TMEM196: variants seen among roughly 807,000 people sequenced by gnomAD.
TMEM196 encodes transmembrane protein 196.
A neutral mutation model predicts 20.0 loss-of-function variants in TMEM196; 17 were observed. The ratio of observed to expected loss-of-function variants is 0.85; its 90% CI spans 0.58 to 1.27. TMEM196 has a LOEUF of 1.27. TMEM196 is among the 50% of genes most tolerant of loss of function. TMEM196 has a pLI of 0.00. For missense variants in TMEM196, 267 were observed against 223.0 expected, an observed-to-expected ratio of 1.20 and a Z score of -1.26; for synonymous variants, 113 against 88.9, an observed-to-expected ratio of 1.27 and a Z score of -1.52.
chr7:19,725,882 G>C (rs139387334), intron 2 of TMEM196, 114 bp from the exon 3 acceptor site: 1 of 1,315,252 alleles, frequency 7.6e-7, no homozygotes, highest in Non-Finnish European at 1.0e-6. Context: ...AGAAGAATAA[G>C]CGGTTTTGGT....
intron 1 of TMEM196, among the ~76,000 whole-genome samples, chr7:19,758,072 A>G (rs1260167622): frequency 6.6e-6 from 1 of 152,046 alleles, no homozygotes; most frequent in East Asian, 1.9e-4. Context: ...AGCAAATGTT[A>G]ATAGCCTAAT....
At chr7:19,726,859 C>T (rs1784017909) in intron 2 of TMEM196, among the ~76,000 whole-genome samples, 1 of 152,052 alleles carries the variant, frequency 6.6e-6, no homozygotes, top group Admixed American at 6.6e-5. Context: ...CCATTCTTCT[C>T]GGGAACACAG....
At chr7:19,736,238 A>G (rs1194479264) in intron 1 of TMEM196, among the ~76,000 whole-genome samples, 1 of 151,114 alleles carries the variant, frequency 6.6e-6, no homozygotes, top group African/African-American at 2.4e-5. Flanking sequence ...AGTTTTCTTG[A>G]TATTGTGCTG....
intron 1 of TMEM196, among the ~76,000 whole-genome samples, chr7:19,732,599 A>AC (rs1562609752): frequency 1.4e-4 from 21 of 146,722 alleles, no homozygotes; most frequent in African/African-American, 5.3e-4. Context: ...AAAAAAAAAA[A>AC]CGGAATGGAA....
rs1164791180 is a variant in TMEM196, at chr7:19,719,939, A to G, written c.*2189T>C. On this transcript the variant is annotated 3_prime_UTR_variant, in exon 5 of 5. Transcript: ENST00000405844. ...GTTATAGATCAGTTCAAAAGGCATT[A>G]CAACATTTTTCTGATGTATTATAAT... The G allele has an allele frequency of 6.6e-6, 1 of 152,092 alleles. No homozygotes were observed. Among genetic ancestry groups the G allele is most frequent in the African/African-American group, 2.4e-5 (1 of 41,462 alleles). The allele number at this position is 152,092 out of a possible 1,614,324, so 9.4% of individuals were successfully genotyped here.
At chr7:19,734,268 T>C (rs538304101) in intron 1 of TMEM196, among the ~76,000 whole-genome samples, 1 of 152,296 alleles carries the variant, frequency 6.6e-6, no homozygotes, top group African/African-American at 2.4e-5. Context: ...AAAAAATGAC[T>C]TTCAAACTTT....
chr7:19,751,712 G>A (rs1471072705), intron 1 of TMEM196, among the ~76,000 whole-genome samples: 1 of 152,126 alleles, frequency 6.6e-6, no homozygotes, highest in Non-Finnish European at 1.5e-5. Context: ...AGCATCTGAT[G>A]GGTACAGACC....
chr7:19,735,927 T>A (rs1247070910), intron 1 of TMEM196, among the ~76,000 whole-genome samples: 3 of 152,150 alleles, frequency 2.0e-5, no homozygotes, highest in African/African-American at 4.8e-5. Context: ...AATTTAATAC[T>A]TTGATAACCT....
intron 1 of TMEM196, among the ~76,000 whole-genome samples, chr7:19,757,238 A>T (rs562821886): frequency 2.0e-5 from 3 of 149,616 alleles, no homozygotes; most frequent in Non-Finnish European, 4.4e-5. Flanking sequence ...CAGTGGCGCA[A>T]TCTTGGCTCA....
chr7:19,741,861 C>T (rs1297821575), intron 1 of TMEM196, among the ~76,000 whole-genome samples: 2 of 152,128 alleles, frequency 1.3e-5, no homozygotes, highest in Non-Finnish European at 2.9e-5. Context: ...CTCTCAAACA[C>T]CAGGTTTGGC....
chr7:19,772,602 C>A lies in TMEM196; in HGVS notation c.95G>T (p.Ser32Ile). 6.5e-7 allele frequency: 1 copy of A among 1,547,374 alleles called. No individual in the cohort carries two copies. The highest frequency in any genetic ancestry group is 2.5e-5 in the East Asian group (1 of 40,706). ...GVSSVAVGAVSFSLALREHKP... is the reference protein window; with the variant it reads ...GVSSVAVGAVIFSLALREHKP... ...GTGCTCTCGGAGGGCCAGGCTGAAG[C>A]TGACCGCCCCCACGGCCACGCTGGA... Residue 32 changes from serine (S) to isoleucine (I), a missense_variant, in exon 1 of 5, where the codon AGC (serine) becomes ATC (isoleucine). Ser to Ile is a moderately radical substitution (Grantham distance 142, BLOSUM62 -2). Coordinates refer to ENST00000405844, the MANE Select transcript of TMEM196 (RefSeq NM_001363562.2).
chr7:19,723,283 C>T (rs979889513), intron 4 of TMEM196, among the ~76,000 whole-genome samples: 1 of 151,916 alleles, frequency 6.6e-6, no homozygotes, highest in Non-Finnish European at 1.5e-5. Flanking sequence ...CCCCAATGAT[C>T]TTCAACAAAA....
intron 1 of TMEM196, among the ~76,000 whole-genome samples, chr7:19,751,865 A>G (rs1188465310): frequency 6.6e-6 from 1 of 152,158 alleles, no homozygotes; most frequent in Non-Finnish European, 1.5e-5. Context: ...AGATTTTCCT[A>G]CATCACACCA....
intron 1 of TMEM196, among the ~76,000 whole-genome samples, chr7:19,741,657 A>G (rs778895702): frequency 1.3e-5 from 2 of 152,162 alleles, no homozygotes; most frequent in African/African-American, 4.8e-5. Context: ...TGAGATGTCA[A>G]TACAAATAGA....
intron 1 of TMEM196, among the ~76,000 whole-genome samples, chr7:19,740,542 A>G (rs1784548098): frequency 6.6e-6 from 1 of 152,184 alleles, no homozygotes; most frequent in African/African-American, 2.4e-5. Context: ...TTAAGAAAAA[A>G]TAGCCCATCA....
intron 1 of TMEM196, among the ~76,000 whole-genome samples, chr7:19,765,096 T>G (rs1280907000): frequency 6.6e-6 from 1 of 151,198 alleles, no homozygotes; most frequent in Non-Finnish European, 1.5e-5. Flanking sequence ...AAATACCACA[T>G]TTTTCATAAA....
chr7:19,723,562 G>A (rs375000416), intron 4 of TMEM196, among the ~76,000 whole-genome samples: 10 of 152,154 alleles, frequency 6.6e-5, no homozygotes, highest in East Asian at 1.9e-4. Flanking sequence ...GTGAAAATTC[G>A]TTTTAAAATG....
chr7:19,752,621 C>CTTTT (rs554647960), intron 1 of TMEM196, among the ~76,000 whole-genome samples: 1 of 150,212 alleles, frequency 6.7e-6, no homozygotes, highest in African/African-American at 2.5e-5. Context: ...TTCTTTCTTT[C>CTTTT]TTTCTTTTTT....
intron 2 of TMEM196, among the ~76,000 whole-genome samples, chr7:19,725,973 G>A (rs1464048215): frequency 2.0e-5 from 3 of 152,086 alleles, no homozygotes; most frequent in East Asian, 1.9e-4. Context: ...AGTAGACAGA[G>A]GGAGTATACC....
Sources: allele counts gnomAD v4.1 joint callset (sites outside exome capture counted in the v4.1 genomes callset), GRCh38; gene constraint gnomAD v4.1.1; transcripts MANE v1.5; gene names NCBI Gene and HGNC (gene_info 2026-07-23, HGNC 2026-07-21).